Variants in BMPR1B observed in about 807,000 individuals in gnomAD.
The protein encoded by BMPR1B is bone morphogenetic protein receptor type-1B.
A neutral mutation model predicts 59.1 loss-of-function variants in BMPR1B; 12 were observed. That is an observed-to-expected ratio of 0.20 (90% CI 0.13 to 0.33). The LOEUF (loss-of-function observed/expected upper bound fraction) is 0.33, where lower values mean the gene tolerates loss of function less well. Among genes scored for constraint, BMPR1B ranks in the 10% least tolerant of loss-of-function variants. BMPR1B has a pLI of 1.00. For synonymous variants in BMPR1B, 237 were observed against 207.3 expected, an observed-to-expected ratio of 1.14 and a Z score of -1.23; for missense variants, 550 against 610.9, an observed-to-expected ratio of 0.90 and a Z score of 1.05.
At chr4:95,055,747 T>A (rs1252454384) in intron 3 of BMPR1B, among the ~76,000 whole-genome samples, 1 of 152,200 alleles carries the variant, frequency 6.6e-6, no homozygotes, top group Admixed American at 6.5e-5. Context: ...TTCACCTTTT[T>A]TTATTATTTT....
intron 1 of BMPR1B, among the ~76,000 whole-genome samples, chr4:94,796,117 A>C (rs1478918308): frequency 1.3e-5 from 2 of 151,856 alleles, no homozygotes; most frequent in Non-Finnish European, 2.9e-5. Context: ...GGTATGCCGC[A>C]CCATGCCCAG....
intron 10 of BMPR1B, among the ~76,000 whole-genome samples, chr4:95,144,054 G>GC (rs1314836058): frequency 6.6e-6 from 1 of 151,394 alleles, no homozygotes; most frequent in Non-Finnish European, 1.5e-5. Flanking sequence ...CCCTAGGCTA[G>GC]AAGAACAGAA....
chr4:95,052,410 T>G (rs1413066863), intron 3 of BMPR1B, among the ~76,000 whole-genome samples: 10 of 152,192 alleles, frequency 6.6e-5, no homozygotes, highest in Non-Finnish European at 1.0e-4. Flanking sequence ...TTGAGCTATT[T>G]TCAAATGAGA....
At chr4:94,863,418 A>AG (rs1449607745) in intron 1 of BMPR1B, among the ~76,000 whole-genome samples, 3 of 152,186 alleles carry the variant, frequency 2.0e-5, no homozygotes, top group Admixed American at 1.3e-4. Context: ...ATATCAGTCG[A>AG]GGGTAGTCAC....
intron 3 of BMPR1B, among the ~76,000 whole-genome samples, chr4:95,052,622 C>G (rs1726588574): frequency 1.3e-5 from 2 of 152,082 alleles, no homozygotes; most frequent in African/African-American, 4.8e-5. Context: ...TACTGTTTAT[C>G]AGAAGAGTGT....
At chr4:94,803,818 C>T (rs1295370869) in intron 1 of BMPR1B, among the ~76,000 whole-genome samples, 1 of 152,018 alleles carries the variant, frequency 6.6e-6, no homozygotes, top group African/African-American at 2.4e-5. Flanking sequence ...GAAGCTTGGG[C>T]CATATTTGGG....
At chr4:95,102,765 C>T (rs540636171) in intron 3 of BMPR1B, among the ~76,000 whole-genome samples, 9 of 152,130 alleles carry the variant, frequency 5.9e-5, no homozygotes, top group South Asian at 2.1e-4. Flanking sequence ...AACCTAAGGA[C>T]GAGCATACTA....
chr4:94,992,233 G>T lies in BMPR1B; in HGVS notation c.-112-3807G>T, dbSNP rs374554385. The stretch of plus-strand genomic sequence containing the variant: ...TTTAATTTAATCCACTGCTTAATTT[G>T]TTAGTCCTATCTTTCTGCTACCCCT... On this transcript the variant is annotated intron_variant, in intron 2 of 12. Transcript: ENST00000515059. Among the ~76,000 whole-genome samples, 382 of 152,284 alleles carry T rather than the reference G, an allele frequency of 2.5e-3. 1 individual carries two copies. Among genetic ancestry groups the T allele is most frequent in the African/African-American group, 8.9e-3 (370 of 41,564 alleles).
intron 2 of BMPR1B, among the ~76,000 whole-genome samples, chr4:94,968,342 G>GT (rs201727597): frequency 0.025 from 2,674 of 106,592 alleles, 44 homozygotes; most frequent in Non-Finnish European, 0.032. Context: ...TAAGTAAATA[G>GT]TTTTTTTTGT....
At chr4:95,135,981 A>G (rs1347399995) in intron 10 of BMPR1B, among the ~76,000 whole-genome samples, 1 of 152,164 alleles carries the variant, frequency 6.6e-6, no homozygotes, top group Non-Finnish European at 1.5e-5. Context: ...CCCATTCAGT[A>G]TGATATTGGC....
At chr4:95,038,916 G>A (rs1172805279) in intron 3 of BMPR1B, among the ~76,000 whole-genome samples, 1 of 152,132 alleles carries the variant, frequency 6.6e-6, no homozygotes, top group African/African-American at 2.4e-5. Context: ...GGTTAAGGTT[G>A]AATTTGAATG....
At chr4:94,813,211 A>G (rs1045478749) in intron 1 of BMPR1B, among the ~76,000 whole-genome samples, 2 of 152,192 alleles carry the variant, frequency 1.3e-5, no homozygotes, top group African/African-American at 4.8e-5. Flanking sequence ...ATAAGAAAAT[A>G]TATATAGCGG....
intron 2 of BMPR1B, among the ~76,000 whole-genome samples, chr4:94,896,177 T>G (rs915185965): frequency 1.3e-5 from 2 of 151,962 alleles, no homozygotes; most frequent in African/African-American, 4.8e-5. Flanking sequence ...TATCTTTCTT[T>G]AGGAGTTTGA....
intron 1 of BMPR1B, among the ~76,000 whole-genome samples, chr4:94,797,645 A>G (rs1444882357): frequency 1.3e-5 from 2 of 152,200 alleles, no homozygotes; most frequent in African/African-American, 4.8e-5. Context: ...GATTTACCTA[A>G]ATAACAAGGC....
intron 10 of BMPR1B, among the ~76,000 whole-genome samples, chr4:95,139,121 T>G (rs1734023730): frequency 6.6e-6 from 1 of 152,188 alleles, no homozygotes. Context: ...GTTTGTTAGT[T>G]TTCCTTCTAA....
chr4:94,897,164 C>T (rs564410919), intron 2 of BMPR1B, among the ~76,000 whole-genome samples: 1 of 152,054 alleles, frequency 6.6e-6, no homozygotes, highest in East Asian at 2.0e-4. Context: ...TGCTGCTGCA[C>T]CATCACCTTG....
intron 3 of BMPR1B, among the ~76,000 whole-genome samples, chr4:95,071,652 G>GTATATATATATATATATATATATATATA (rs58148216): frequency 2.4e-5 from 2 of 84,328 alleles, no homozygotes; most frequent in Non-Finnish European, 2.5e-5. Context: ...GTGTGTGTGT[G>GTATATATATATATATATATATATATATA]TATATATATA....
At chr4:95,087,852 G>A (rs987734386) in intron 3 of BMPR1B, among the ~76,000 whole-genome samples, 1 of 152,146 alleles carries the variant, frequency 6.6e-6, no homozygotes, top group Non-Finnish European at 1.5e-5. Context: ...GACAGATAAA[G>A]CTTTCCTTGA....
chr4:95,104,247 G>A, intron 3 of BMPR1B, 161 bp from the exon 4 acceptor site: 1 of 814,366 alleles, frequency 1.2e-6, no homozygotes, highest in South Asian at 1.8e-5. Flanking sequence ...CTAGGTAAAA[G>A]ACATGATTTT....
Sources: allele counts gnomAD v4.1 joint callset (sites outside exome capture counted in the v4.1 genomes callset), GRCh38; gene constraint gnomAD v4.1.1; transcripts MANE v1.5; gene names NCBI Gene and HGNC (gene_info 2026-07-23, HGNC 2026-07-21).